Variants in AGBL4 observed in about 807,000 individuals in gnomAD.
AGBL4 encodes the protein cytosolic carboxypeptidase 6.
AGBL4 carries 58 observed loss-of-function variants against 66.4 expected under a neutral mutation model. The observed-to-expected ratio is 0.87, with a 90% CI of 0.71 to 1.09. The LOEUF is 1.09. AGBL4 is among the 50% of genes least tolerant of loss of function. The probability of loss-of-function intolerance (pLI) is 0.00; values close to 1 mark genes in which losing one functional copy is unlikely to be tolerated. For missense variants in AGBL4, 579 were observed against 631.0 expected (o/e 0.92, Z 0.88); for synonymous variants, 234 against 222.9 (o/e 1.05, Z -0.44).
intron 11 of AGBL4, chr1:48,586,695 T>C (rs1486655265): frequency 3.0e-6 from 1 of 332,388 alleles, no homozygotes; most frequent in Non-Finnish European, 5.8e-6. Context: ...ATAGCTTAGA[T>C]GGCAGGAGAC....
In AGBL4 at chr1:49,584,752, C is replaced by T. The variant is rs77246154; in HGVS notation, c.282+112561G>A. ...CCCAGAAATTTAAGTTTTGTAGCTTCAGGGTATATCTGCCTTTATCAGGAC... is the reference window on the plus strand; with the variant it reads ...CCCAGAAATTTAAGTTTTGTAGCTTTAGGGTATATCTGCCTTTATCAGGAC... On this transcript the variant is annotated intron_variant, in intron 3 of 13. Coordinates refer to ENST00000371839, the MANE Select transcript of AGBL4 (RefSeq NM_032785.4). Among the ~76,000 whole-genome samples, 95 of 152,288 alleles carry T rather than the reference C, an allele frequency of 6.2e-4. 3 individuals carry two copies. In the East Asian group the frequency reaches 0.018, roughly 28 times the overall value.
At chr1:49,104,444 C>T (rs756586952) in intron 4 of AGBL4, among the ~76,000 whole-genome samples, 4 of 151,998 alleles carry the variant, frequency 2.6e-5, no homozygotes, top group Non-Finnish European at 5.9e-5. Flanking sequence ...GACAAAAGCA[C>T]GAGGATGTAG....
intron 5 of AGBL4, among the ~76,000 whole-genome samples, chr1:48,879,672 T>A (rs867268202): frequency 2.6e-5 from 4 of 152,280 alleles, no homozygotes; most frequent in Middle Eastern, 3.4e-3. Flanking sequence ...AATGCTTTAT[T>A]TATGTTAACT....
rs539749589 is a variant in AGBL4 at position 49,596,418 on chromosome 1, G to T, written c.282+100895C>A. ...ACTCCTGGCCTCAAGTGATCTGCCAGCCTCGGCCTGCCAAAATGGTGGGAT... is the reference window on the plus strand; with the variant it reads ...ACTCCTGGCCTCAAGTGATCTGCCATCCTCGGCCTGCCAAAATGGTGGGAT... On this transcript the variant is annotated intron_variant, in intron 3 of 13. Coordinates refer to ENST00000371839, the MANE Select transcript of AGBL4 (RefSeq NM_032785.4). Among the ~76,000 whole-genome samples, 7 of 152,220 alleles carry T rather than the reference G, an allele frequency of 4.6e-5. 1 individual carries two copies. The South Asian group carries it at 1.5e-3, about 32-fold the overall frequency.
intron 9 of AGBL4, among the ~76,000 whole-genome samples, chr1:48,620,909 G>T (rs1015161150): frequency 2.0e-5 from 3 of 152,076 alleles, no homozygotes; most frequent in Non-Finnish European, 1.5e-5. Flanking sequence ...GGCTATGGAG[G>T]CTCAGAAAGG....
intron 6 of AGBL4, among the ~76,000 whole-genome samples, chr1:48,772,999 C>A (rs1396032373): frequency 6.6e-6 from 1 of 152,116 alleles, no homozygotes; most frequent in African/African-American, 2.4e-5. Flanking sequence ...TCCTACATAG[C>A]AGGACATGAA....
intron 6 of AGBL4, among the ~76,000 whole-genome samples, chr1:48,696,100 C>G (rs1040621873): frequency 6.6e-6 from 1 of 152,118 alleles, no homozygotes; most frequent in Non-Finnish European, 1.5e-5. Flanking sequence ...TTCTTCTGTC[C>G]CAGGACAGCT....
At chr1:49,891,827 C>T (rs770365189) in intron 1 of AGBL4, among the ~76,000 whole-genome samples, 5 of 152,314 alleles carry the variant, frequency 3.3e-5, no homozygotes, top group Admixed American at 6.5e-5. Flanking sequence ...TCCCATGCCA[C>T]TATCCATGTT....
At chr1:48,553,643 C>A (rs1308153903) in intron 11 of AGBL4, among the ~76,000 whole-genome samples, 1 of 152,144 alleles carries the variant, frequency 6.6e-6, no homozygotes, top group Non-Finnish European at 1.5e-5. Flanking sequence ...TCTGATACTA[C>A]TGACAAACTG....
At chr1:48,774,150 G>A (rs992210015) in intron 6 of AGBL4, among the ~76,000 whole-genome samples, 2 of 152,228 alleles carry the variant, frequency 1.3e-5, no homozygotes, top group Admixed American at 6.5e-5. Flanking sequence ...GTGTCAGAGA[G>A]ATTAATTAAT....
intron 6 of AGBL4, among the ~76,000 whole-genome samples, chr1:48,820,883 T>C (rs1170273242): frequency 6.6e-6 from 1 of 151,800 alleles, no homozygotes; most frequent in Non-Finnish European, 1.5e-5. Flanking sequence ...GAATCTACAA[T>C]AAACTCAAAC....
At chr1:49,664,094 A>G (rs1439143714) in intron 3 of AGBL4, among the ~76,000 whole-genome samples, 1 of 152,030 alleles carries the variant, frequency 6.6e-6, no homozygotes, top group Non-Finnish European at 1.5e-5. Context: ...TATAGAATTC[A>G]GGGGATAAGT....
At chr1:49,706,556 C>T (rs932233476) in intron 2 of AGBL4, among the ~76,000 whole-genome samples, 3 of 151,998 alleles carry the variant, frequency 2.0e-5, no homozygotes, top group African/African-American at 7.2e-5. Flanking sequence ...TTCAGTTCTG[C>T]CCTGATATTA....
intron 2 of AGBL4, among the ~76,000 whole-genome samples, chr1:49,760,276 C>G (rs566904369): frequency 6.6e-5 from 10 of 152,248 alleles, no homozygotes; most frequent in African/African-American, 2.4e-4. Flanking sequence ...GTTTCTTTTG[C>G]TGTGCATAAG....
chr1:48,897,749 C>A (rs182307199), intron 5 of AGBL4, among the ~76,000 whole-genome samples: 3 of 151,078 alleles, frequency 2.0e-5, no homozygotes, highest in Admixed American at 2.0e-4. Context: ...TTTTCATATA[C>A]CTGTTGGCCA....
intron 3 of AGBL4, among the ~76,000 whole-genome samples, chr1:49,479,278 G>A (rs1479698157): frequency 6.6e-6 from 1 of 151,820 alleles, no homozygotes; most frequent in African/African-American, 2.4e-5. Context: ...CAAATACAAT[G>A]AAATATCTAG....
chr1:48,888,119 A>G (rs1299085372), intron 5 of AGBL4, among the ~76,000 whole-genome samples: 3 of 152,206 alleles, frequency 2.0e-5, no homozygotes, highest in Non-Finnish European at 2.9e-5. Context: ...TAGTTCCCAT[A>G]AACAGCACAA....
Position 49,739,153 on chromosome 1 carries a change from T to G in AGBL4, c.158-41716A>C, listed in dbSNP as rs192497491. Among the ~76,000 whole-genome samples, 20 of 152,162 alleles carry G rather than the reference T, an allele frequency of 1.3e-4. No homozygotes were observed. In the East Asian group the frequency reaches 3.9e-3, roughly 29 times the overall value. ...ACCCATGGCAAAGAAGTTAAAAACC[T>G]TGAAAAACGATGAGAAGAATGGCTA... On this transcript the variant is annotated intron_variant, in intron 2 of 13. Transcript: ENST00000371839.
chr1:49,882,733 G>T (rs1488073682), intron 1 of AGBL4, among the ~76,000 whole-genome samples: 1 of 152,236 alleles, frequency 6.6e-6, no homozygotes, highest in South Asian at 2.1e-4. Flanking sequence ...TTTGTACATT[G>T]ATTTTGTATC....
Sources: allele counts gnomAD v4.1 joint callset (sites outside exome capture counted in the v4.1 genomes callset), GRCh38; gene constraint gnomAD v4.1.1; transcripts MANE v1.5; gene names NCBI Gene and HGNC (gene_info 2026-07-23, HGNC 2026-07-21).